The following AGBL1 variants were observed in gnomAD, a reference collection of about 807,000 sequenced individuals.
AGBL1 encodes cytosolic carboxypeptidase 4.
In AGBL1, 130 loss-of-function variants were observed where a neutral mutation model predicts 118.9. The observed-to-expected ratio is 1.09, with a 90% CI of 0.95 to 1.26. The LOEUF (loss-of-function observed/expected upper bound fraction) is 1.26, where lower values mean the gene tolerates loss of function less well. Among genes scored for constraint, AGBL1 ranks in the 50% most tolerant of loss-of-function variants. The pLI is 0.00. For synonymous variants in AGBL1, 555 were observed against 478.9 expected (o/e 1.16, Z -2.08); for missense variants, 1,584 against 1,298.1 (o/e 1.22, Z -3.38).
chr15:86,626,639 C>T (rs974095752), intron 21 of AGBL1, among the ~76,000 whole-genome samples: 2 of 152,010 alleles, frequency 1.3e-5, no homozygotes, highest in Non-Finnish European at 2.9e-5. Context: ...GCATGCATAC[C>T]CCTGAACTTA....
At chr15:86,633,821 T>C in intron 21 of AGBL1, among the ~76,000 whole-genome samples, 1 of 73,630 alleles carries the variant, frequency 1.4e-5, no homozygotes. Flanking sequence ...AATGTATGTA[T>C]ATATATATAA....
chr15:86,164,647 A>G (rs191200773), intron 5 of AGBL1, among the ~76,000 whole-genome samples: 2 of 152,010 alleles, frequency 1.3e-5, no homozygotes, highest in African/African-American at 4.8e-5. Flanking sequence ...ATTGAACCCA[A>G]CCTTTGGAAC....
chr15:86,724,728 C>A (rs2086793568), intron 22 of AGBL1, among the ~76,000 whole-genome samples: 1 of 152,006 alleles, frequency 6.6e-6, no homozygotes, highest in African/African-American at 2.4e-5. Flanking sequence ...GGAGTGGATC[C>A]CTCATGAATG....
chr15:86,979,055 T>G lies in AGBL1; in HGVS notation c.3222-8932T>G, dbSNP rs548867154. ...AAAACCTGTATCCTATTCACTGGCA[T>G]GACACAGTGTGAGGAGGTAAATCCT... On this transcript the variant is annotated intron_variant, in intron 23 of 24. Coordinates refer to the AGBL1 transcript ENST00000441037. Among the ~76,000 whole-genome samples, 108 of 152,342 alleles carry G rather than the reference T, an allele frequency of 7.1e-4. 2 individuals carry two copies. The highest frequency in any genetic ancestry group is 6.0e-3 in the South Asian group (29 of 4,828).
chr15:86,235,086 A>G (rs1175554810), intron 6 of AGBL1, among the ~76,000 whole-genome samples: 1 of 152,210 alleles, frequency 6.6e-6, no homozygotes, highest in Non-Finnish European at 1.5e-5. Flanking sequence ...ACAGCAACAG[A>G]CAACATATAA....
chr15:86,793,496 G>C (rs574293439), intron 22 of AGBL1, among the ~76,000 whole-genome samples: 6 of 152,228 alleles, frequency 3.9e-5, no homozygotes, highest in African/African-American at 1.4e-4. Context: ...AGACCTAAGA[G>C]TGAAAACTAT....
chr15:86,824,132 T>A (rs1422057890), intron 22 of AGBL1, among the ~76,000 whole-genome samples: 1 of 151,714 alleles, frequency 6.6e-6, no homozygotes, highest in East Asian at 1.9e-4. Context: ...AAGGAAGAAA[T>A]CAAATCCTCC....
At chr15:86,761,921 TG>T (rs554090506) in intron 22 of AGBL1, among the ~76,000 whole-genome samples, 392 of 152,248 alleles carry the variant, frequency 2.6e-3, no homozygotes, top group African/African-American at 9.2e-3. Context: ...GCCTATGTAC[TG>T]AATGGTATTG....
chr15:86,416,362 G>C (rs1400211540), intron 18 of AGBL1, among the ~76,000 whole-genome samples: 3 of 152,138 alleles, frequency 2.0e-5, no homozygotes, highest in Admixed American at 1.3e-4. Context: ...AATGTCCAAA[G>C]CTTGGGCTGT....
At chr15:86,344,941 A>G (rs2080513266) in intron 17 of AGBL1, among the ~76,000 whole-genome samples, 1 of 152,182 alleles carries the variant, frequency 6.6e-6, no homozygotes, top group Non-Finnish European at 1.5e-5. Context: ...TTTCAGAGTC[A>G]TATAATGTCA....
intron 17 of AGBL1, among the ~76,000 whole-genome samples, chr15:86,382,133 C>T (rs74027530): frequency 0.036 from 5,485 of 152,038 alleles, 330 homozygotes; most frequent in African/African-American, 0.13. Flanking sequence ...GGGTACCTTC[C>T]CCACATCAGT....
chr15:86,688,488 T>C (rs1440883190), intron 22 of AGBL1, among the ~76,000 whole-genome samples: 2 of 152,162 alleles, frequency 1.3e-5, no homozygotes, highest in Non-Finnish European at 2.9e-5. Context: ...AAACTGAAGT[T>C]GAGCAAATAT....
At chr15:86,582,754 C>T (rs921965128) in intron 21 of AGBL1, among the ~76,000 whole-genome samples, 11 of 151,604 alleles carry the variant, frequency 7.3e-5, no homozygotes, top group South Asian at 4.2e-4. Flanking sequence ...AGCAAACTAT[C>T]GCAAGGACAA....
At chr15:86,127,114 G>A (rs2076757479) in intron 1 of AGBL1, among the ~76,000 whole-genome samples, 3 of 152,120 alleles carry the variant, frequency 2.0e-5, no homozygotes, top group Admixed American at 2.0e-4. Context: ...CAAACAAGGG[G>A]GAAAACTACA....
intron 23 of AGBL1, among the ~76,000 whole-genome samples, chr15:86,962,340 C>A (rs926603940): frequency 2.6e-5 from 4 of 151,980 alleles, no homozygotes; most frequent in African/African-American, 9.7e-5. Context: ...AATAGCATTT[C>A]CAAATGATTC....
rs1023442029 is a variant in AGBL1, at chr15:86,912,965, T to C, written c.*5671T>C. On this transcript the variant is annotated 3_prime_UTR_variant, in exon 23 of 23. Coordinates refer to ENST00000614907, the MANE Select transcript of AGBL1 (RefSeq NM_001386094.1). Reference sequence around the variant, plus strand: ...TGTCTTCCCAACAGATGTCCTCTTTTGTTTGTGTTGCAGTTTGGTTCATGC... The same window carrying C: ...TGTCTTCCCAACAGATGTCCTCTTTCGTTTGTGTTGCAGTTTGGTTCATGC... 2.0e-5 allele frequency: 3 copies of C among 152,158 alleles called. No individual in the cohort carries two copies. Among genetic ancestry groups the C allele is most frequent in the Admixed American group, 6.5e-5 (1 of 15,268 alleles). The allele number at this position is 152,158 out of a possible 1,614,324, so 9.4% of individuals were successfully genotyped here.
At position 86,897,764 on chromosome 15, in the gene AGBL1, C is replaced by CTTTTTTTTT. The variant is rs71460231; in HGVS notation, c.3159-9308_3159-9300dup. Among the ~76,000 whole-genome samples the CTTTTTTTTT allele has an allele frequency of 3.1e-3, 252 of 80,634 alleles. 1 individual carries two copies. Among genetic ancestry groups the CTTTTTTTTT allele is most frequent in the Middle Eastern group, 0.015 (1 of 66 alleles). 52.9% of individuals were successfully genotyped at this position (80,634 alleles called of 152,430 possible). A position where few individuals can be genotyped will look rare whatever the true frequency, so the allele number is the denominator to read the frequency against. On this transcript the variant is annotated intron_variant, in intron 22 of 22. Transcript: ENST00000614907. Reference sequence around the variant, plus strand: ...ATAATTTACTCCTTTCATCTTTTATCTTTTTTTTTTTTTTTTTTTTTTTGA... The same window carrying CTTTTTTTTT: ...ATAATTTACTCCTTTCATCTTTTATCTTTTTTTTTTTTTTTTTTTTTTTTTTTTTTTTGA...
intron 19 of AGBL1, among the ~76,000 whole-genome samples, chr15:86,525,143 A>T (rs1334941983): frequency 6.7e-6 from 1 of 148,176 alleles, no homozygotes; most frequent in African/African-American, 2.7e-5. Flanking sequence ...ACTCCGTTTT[A>T]TTAACAATAG....
At chr15:86,884,199 C>A (rs2087633160) in intron 22 of AGBL1, among the ~76,000 whole-genome samples, 1 of 152,142 alleles carries the variant, frequency 6.6e-6, no homozygotes, top group African/African-American at 2.4e-5. Flanking sequence ...GTTACTTGAA[C>A]ATAAGTACTT....
Sources: gnomAD v4.1 joint callset for allele counts (sites outside exome capture counted in the v4.1 genomes callset) on GRCh38, gnomAD v4.1.1 for gene constraint, MANE v1.5 for transcripts, NCBI Gene and HGNC (gene_info 2026-07-23, HGNC 2026-07-21) for gene names.